The following GIPR variants were observed in gnomAD, a reference collection of about 807,000 sequenced individuals.
GIPR encodes gastric inhibitory polypeptide receptor.
Under a neutral mutation model 62.2 loss-of-function variants are expected in GIPR, and 74 were observed. The observed-to-expected ratio is 1.19, with a 90% CI of 0.99 to 1.44. The LOEUF (loss-of-function observed/expected upper bound fraction) is 1.44, where lower values mean the gene tolerates loss of function less well. Among genes scored for constraint, GIPR ranks in the 40% most tolerant of loss-of-function variants. The probability of loss-of-function intolerance (pLI) is 0.00; values close to 1 mark genes in which losing one functional copy is unlikely to be tolerated. For missense variants in GIPR, 664 were observed against 611.8 expected (o/e 1.09, Z -0.90); for synonymous variants, 256 against 262.2 (o/e 0.98, Z 0.23).
rs1975428512 is a variant in GIPR, at chr19:45,669,568, C to A, written c.48C>A (p.Cys16Ter). ...AGCTGCTGCTGCGGCTCTCACTGTG[C>A]GGGCTGCTGCTCCAGAGGGCGGAGG... is the stretch of plus-strand genomic sequence containing the variant. The part of the protein sequence containing the change: ...ILQLLLRLSL[C>*]GLLLQRAETG... The change falls in exon 2 of 14, where the codon TGC becomes TGA. Residue 16 changes from cysteine to a stop codon, truncating the protein, a stop_gained. Coordinates refer to ENST00000590918, the MANE Select transcript of GIPR (RefSeq NM_000164.4). LOFTEE classifies it high-confidence loss of function. The A allele has an allele frequency of 3.8e-6, 6 of 1,580,704 alleles. No individual in the cohort carries two copies. The highest frequency in any genetic ancestry group is 5.1e-6 in the Non-Finnish European group (6 of 1,166,424).
Position 45,683,339 on chromosome 19 carries a change from T to C in GIPR, c.*1404T>C, listed in dbSNP as rs1330837277. On this transcript the variant is annotated 3_prime_UTR_variant, in exon 14 of 14. Coordinates refer to ENST00000590918, the MANE Select transcript of GIPR (RefSeq NM_000164.4). ...GGCAGGCCTCGCAGCTGAAACTTTA[T>C]ATCCAGAGCAGCCAGGGCCACTGCT... 6.6e-6 allele frequency: 1 copy of C among 152,228 alleles called. No individual in the cohort carries two copies. The highest frequency in any genetic ancestry group is 1.5e-5 in the Non-Finnish European group (1 of 68,072). The allele number at this position is 152,228 out of a possible 1,614,324, so 9.4% of individuals were successfully genotyped here.
In GIPR at chr19:45,681,640, A is replaced by T; in HGVS notation, c.1189A>T (p.Lys397Ter). Residue 397 changes from lysine (K) to a stop codon, truncating the protein, a stop_gained, in exon 13 of 14, where the codon AAG (lysine) becomes TAG (stop). Transcript: ENST00000590918. LOFTEE classifies it low-confidence loss of function (END_TRUNC). Reference sequence around the variant, plus strand: ...CAGCGTCCTCTACTGCTTCATCAACAAGGAGGTAGGCAGAGACCCGGCCGC... The same window carrying T: ...CAGCGTCCTCTACTGCTTCATCAACTAGGAGGTAGGCAGAGACCCGGCCGC... The part of the protein sequence containing the change: ...LVSVLYCFIN[K>*]EVQSEIRRGW... 6.2e-7 allele frequency: 1 copy of T among 1,613,624 alleles called. No individual in the cohort carries two copies. The highest frequency in any genetic ancestry group is 1.1e-5 in the South Asian group (1 of 91,074).
intron 12 of GIPR, among the ~76,000 whole-genome samples, chr19:45,679,590 G>A (rs1967125527): frequency 6.6e-6 from 1 of 151,840 alleles, no homozygotes; most frequent in African/African-American, 2.4e-5. Context: ...GAGGGATGGG[G>A]GTTACTGTTT....
chr19:45,677,126 C>A lies in GIPR; in HGVS notation c.793+18C>A, dbSNP rs369807135. On this transcript the variant is annotated intron_variant, in intron 8 of 13. Coordinates refer to ENST00000590918, the MANE Select transcript of GIPR (RefSeq NM_000164.4). ...CGGCTGGGGTGAGCTCCGATCCCGT[C>A]CCCCGCCCAACCCAGCGCGCCTCTC... The A allele has an allele frequency of 4.3e-6, 7 of 1,611,318 alleles. No individual in the cohort carries two copies. The highest frequency in any genetic ancestry group is 3.4e-6 in the Non-Finnish European group (4 of 1,179,438).
At chr19:45,674,870 T>C in intron 7 of GIPR, 44 bp downstream of exon 7, 1 of 1,588,902 alleles carries the variant, frequency 6.3e-7, no homozygotes, top group Non-Finnish European at 8.6e-7. Flanking sequence ...ATCTTGCTTC[T>C]CTGGTGGGAC....
At position 45,674,686 on chromosome 19, in the gene GIPR, C is replaced by G; in HGVS notation, c.493C>G (p.Leu165Val). ...CTGCCTTCCAAATTCCCCTAGGCGG[C>G]TACATTGCACTAGAAACTATATCCA... ...ALLILSLFRR[L>V]HCTRNYIHIN... is the part of the protein sequence containing the mutation. Residue 165 changes from leucine to valine, a missense_variant, in exon 7 of 14, where the codon CTA becomes GTA. Coordinates refer to ENST00000590918, the MANE Select transcript of GIPR (RefSeq NM_000164.4). 1.9e-6 allele frequency: 3 copies of G among 1,613,994 alleles called. No homozygotes were observed. The highest frequency in any genetic ancestry group is 2.5e-6 in the Non-Finnish European group (3 of 1,179,962).
chr19:45,676,494 T>A (rs1204175962), intron 7 of GIPR, among the ~76,000 whole-genome samples: 3 of 124,466 alleles, frequency 2.4e-5, no homozygotes, highest in African/African-American at 9.1e-5. Flanking sequence ...AGTGCAGTGG[T>A]GCAATCTCGG....
intron 12 of GIPR, among the ~76,000 whole-genome samples, chr19:45,681,153 G>A (rs1336387555): frequency 1.3e-5 from 2 of 152,070 alleles, no homozygotes; most frequent in African/African-American, 4.8e-5. Context: ...CACGGTGGCG[G>A]TAGCTGAGGT....
rs1487721312 is a variant in GIPR at position 45,683,649 on chromosome 19, A to G, written c.*1714A>G. 6.6e-6 allele frequency: 1 copy of G among 151,824 alleles called. No individual in the cohort carries two copies. The highest frequency in any genetic ancestry group is 1.5e-5 in the Non-Finnish European group (1 of 67,980). The allele number at this position is 151,824 out of a possible 1,614,324, so 9.4% of individuals were successfully genotyped here. ...CGGCCCTGCTGCCCAATTCCCCTAC[A>G]CCCTGCCTTGTGGGTTCTCGCGGGG... is the stretch of plus-strand genomic sequence containing the variant. On this transcript the variant is annotated 3_prime_UTR_variant, in exon 14 of 14. Coordinates refer to ENST00000590918, the MANE Select transcript of GIPR (RefSeq NM_000164.4).
Position 45,677,155 on chromosome 19 carries a change from G to T in GIPR, c.793+47G>T, listed in dbSNP as rs995533205. ...CGCCCAACCCAGCGCGCCTCTCCTCGGCTCCCCCAACTGCCCTGCTGGTTG... is the reference window on the plus strand; with the variant it reads ...CGCCCAACCCAGCGCGCCTCTCCTCTGCTCCCCCAACTGCCCTGCTGGTTG... On this transcript the variant is annotated intron_variant, in intron 8 of 13. Transcript: ENST00000590918. 1.9e-6 allele frequency: 3 copies of T among 1,599,262 alleles called. No individual in the cohort carries two copies. The African/African-American group carries it at 4.0e-5, about 21-fold the overall frequency.
chr19:45,676,219 AAAG>A (rs1202051816), intron 7 of GIPR, among the ~76,000 whole-genome samples: 1 of 151,076 alleles, frequency 6.6e-6, no homozygotes, highest in African/African-American at 2.4e-5. Context: ...AAAAAAAAAA[AAAG>A]AGGAAGCCAT....
rs369427920 is a variant in GIPR at position 45,676,984 on chromosome 19, C to G, written c.669C>G (p.Thr223=). The change falls in exon 8 of 14, where the codon ACC becomes ACG. Residue 223 remains threonine (T), a synonymous_variant. Coordinates refer to ENST00000590918, the MANE Select transcript of GIPR (RefSeq NM_000164.4). The part of the protein sequence containing the change: ...LAACRTAQIV[T]QYCVGANYTW... ...CCTGCCGCACGGCCCAGATCGTGAC[C>G]CAGTACTGCGTGGGTGCCAACTACA... 10 of 1,614,026 alleles carry G rather than the reference C, an allele frequency of 6.2e-6. No individual in the cohort carries two copies. In the African/African-American group the frequency reaches 1.1e-4, roughly 17 times the overall value.
chr19:45,677,312 G>T lies in GIPR; in HGVS notation c.794-11G>T. The T allele has an allele frequency of 6.4e-7, 1 of 1,553,574 alleles. No individual in the cohort carries two copies. The highest frequency in any genetic ancestry group is 8.8e-7 in the Non-Finnish European group (1 of 1,142,174). Reference sequence around the variant, plus strand: ...CGGCGGGGTGGGGGGGCGGGGTCGGGGTCTGCACAGGGGCCCCCGCGCTTT... The same window carrying T: ...CGGCGGGGTGGGGGGGCGGGGTCGGTGTCTGCACAGGGGCCCCCGCGCTTT... On this transcript the variant is annotated splice_polypyrimidine_tract_variant and intron_variant, in intron 8 of 13. Coordinates refer to ENST00000590918, the MANE Select transcript of GIPR (RefSeq NM_000164.4).
chr19:45,679,327 G>C (rs966450414), intron 12 of GIPR, among the ~76,000 whole-genome samples: 1 of 151,884 alleles, frequency 6.6e-6, no homozygotes, highest in Non-Finnish European at 1.5e-5. Context: ...TAAAAAAATA[G>C]AAAAATTAGC....
intron 4 of GIPR, 76 bp downstream of exon 4, chr19:45,671,468 C>G (rs1975537717): frequency 1.1e-6 from 1 of 889,268 alleles, no homozygotes; most frequent in East Asian, 2.4e-5. Flanking sequence ...CACCTACATC[C>G]GAGTCCCACA....
At chr19:45,681,533 G>A (rs1024653856) in intron 12 of GIPR, 71 bp from the exon 13 acceptor site, 15 of 1,226,782 alleles carry the variant, frequency 1.2e-5, no homozygotes, top group Non-Finnish European at 1.6e-5. Flanking sequence ...CAAAAAACGG[G>A]GAGGGAGGCG....
In GIPR at chr19:45,683,517, A is replaced by G. The variant is rs1967345618; in HGVS notation, c.*1582A>G. The stretch of plus-strand genomic sequence containing the variant: ...TCACCCCTAAATCCTCCCCCTACAC[A>G]TATGCACACTTAAGTTACCGTATGG... On this transcript the variant is annotated 3_prime_UTR_variant, in exon 14 of 14. Coordinates refer to ENST00000590918, the MANE Select transcript of GIPR (RefSeq NM_000164.4). 1.3e-5 allele frequency: 2 copies of G among 152,154 alleles called. No homozygotes were observed. The highest frequency in any genetic ancestry group is 6.6e-5 in the Admixed American group (1 of 15,248). 9.4% of individuals were successfully genotyped at this position (152,154 alleles called of 1,614,324 possible). A position where few individuals can be genotyped will look rare whatever the true frequency, so the allele number is the denominator to read the frequency against.
At position 45,681,829 on chromosome 19, in the gene GIPR, C is replaced by CCTCCGG; in HGVS notation, c.1303_1308dup (p.Ser435_Gly436dup). On this transcript the variant is annotated inframe_insertion, in exon 14 of 14. Coordinates refer to ENST00000590918, the MANE Select transcript of GIPR (RefSeq NM_000164.4). ...CCGGAGCGCGCCTTCCGGGCCCTGC[C>CCTCCGG]CTCCGGCTCCGGCCCGGGCGAGGTC... 6.4e-7 allele frequency: 1 copy of CCTCCGG among 1,556,868 alleles called. No homozygotes were observed. The highest frequency in any genetic ancestry group is 1.2e-5 in the South Asian group (1 of 84,754).
At chr19:45,668,909 A>G (rs1975394853) in intron 1 of GIPR, among the ~76,000 whole-genome samples, 1 of 152,076 alleles carries the variant, frequency 6.6e-6, no homozygotes. Context: ...TCAGGTTCCT[A>G]TGTGTGCTAG....
Sources: allele counts gnomAD v4.1 joint callset (sites outside exome capture counted in the v4.1 genomes callset), GRCh38; gene constraint gnomAD v4.1.1; transcripts MANE v1.5; gene names NCBI Gene and HGNC (gene_info 2026-07-23, HGNC 2026-07-21).